Variants in ZGRF1 observed in about 807,000 individuals in gnomAD.
The protein encoded by ZGRF1 is 5'-3' DNA helicase ZGRF1.
ZGRF1 carries 196 observed loss-of-function variants against 203.5 expected under a neutral mutation model. That is an observed-to-expected ratio of 0.96 (90% CI 0.86 to 1.08). The LOEUF is 1.08. Ranked by LOEUF, ZGRF1 falls within the 50% of genes least tolerant of loss-of-function variation. ZGRF1 has a pLI of 0.00. For synonymous variants in ZGRF1, 809 were observed against 841.3 expected (o/e 0.96, Z 0.66); for missense variants, 2,326 against 2,416.3 (o/e 0.96, Z 0.78).
At chr4:112,556,030 T>C (rs1448884711) in intron 20 of ZGRF1, among the ~76,000 whole-genome samples, 1 of 152,046 alleles carries the variant, frequency 6.6e-6, no homozygotes, top group Non-Finnish European at 1.5e-5. Flanking sequence ...AGTTCCTTCC[T>C]GTGTAGTCTC....
chr4:112,604,154 T>C (rs1226670649), intron 9 of ZGRF1, among the ~76,000 whole-genome samples: 1 of 151,456 alleles, frequency 6.6e-6, no homozygotes, highest in Non-Finnish European at 1.5e-5. Context: ...AACCAAGGAG[T>C]TGGAGGTTGC....
chr4:112,577,649 C>T lies in ZGRF1; in HGVS notation c.4438+4014G>A, dbSNP rs1745483868. Among the ~76,000 whole-genome samples, 2 of 122,574 alleles carry T rather than the reference C, an allele frequency of 1.6e-5. 1 individual carries two copies. The highest frequency in any genetic ancestry group is 3.6e-5 in the Non-Finnish European group (2 of 54,888). The allele number at this position is 122,574 out of a possible 152,430, so 80.4% of individuals were successfully genotyped here. A position where few individuals can be genotyped will look rare whatever the true frequency, so the allele number is the denominator to read the frequency against. On this transcript the variant is annotated intron_variant, in intron 16 of 27. Transcript: ENST00000505019. ...CAATCCTAGTATCTGATAAAACAGA[C>T]TTTAAACCAACAAAGATCAAAAGAG...
chr4:112,596,370 G>T (rs1265361462), intron 10 of ZGRF1, among the ~76,000 whole-genome samples: 2 of 152,254 alleles, frequency 1.3e-5, no homozygotes, highest in East Asian at 3.9e-4. Context: ...GAAGGCCACA[G>T]GTGTTGCTGA....
chr4:112,620,718 C>T (rs1423852061), intron 4 of ZGRF1, among the ~76,000 whole-genome samples: 1 of 152,018 alleles, frequency 6.6e-6, no homozygotes, highest in Admixed American at 6.6e-5. Context: ...AAAAAATTAG[C>T]CATGCATGGT....
At chr4:112,559,958 T>C (rs1741644456) in intron 19 of ZGRF1, among the ~76,000 whole-genome samples, 1 of 152,208 alleles carries the variant, frequency 6.6e-6, no homozygotes, top group Non-Finnish European at 1.5e-5. Context: ...TCTCAGTGAC[T>C]AATCTGATGG....
intron 3 of ZGRF1, among the ~76,000 whole-genome samples, chr4:112,629,053 A>C (rs775750127): frequency 3.9e-5 from 6 of 152,198 alleles, no homozygotes; most frequent in Non-Finnish European, 7.3e-5. Flanking sequence ...ATAGACTTGG[A>C]GATCCTGTTG....
At chr4:112,629,422 A>G (rs904669765) in intron 3 of ZGRF1, among the ~76,000 whole-genome samples, 2 of 152,144 alleles carry the variant, frequency 1.3e-5, no homozygotes, top group African/African-American at 4.8e-5. Context: ...TGTAATCCCA[A>G]TACTTTGGGA....
intron 10 of ZGRF1, among the ~76,000 whole-genome samples, chr4:112,590,735 G>A (rs1375834879): frequency 2.0e-5 from 3 of 151,910 alleles, no homozygotes; most frequent in Non-Finnish European, 4.4e-5. Context: ...AGACCAGGAT[G>A]GGCAACACAG....
intron 22 of ZGRF1, among the ~76,000 whole-genome samples, chr4:112,550,153 C>T (rs1739652612): frequency 6.6e-6 from 1 of 151,804 alleles, no homozygotes; most frequent in African/African-American, 2.4e-5. Context: ...GATCGCGCCA[C>T]TGCACTCCAG....
chr4:112,589,665 A>G (rs572978371), intron 11 of ZGRF1, 59 bp downstream of exon 11: 3 of 1,455,812 alleles, frequency 2.1e-6, no homozygotes, highest in East Asian at 2.3e-5. Flanking sequence ...TAATCTCTCA[A>G]ATAAAAAACT....
chr4:112,634,021 T>A (rs1445717765), intron 1 of ZGRF1, among the ~76,000 whole-genome samples: 1 of 152,194 alleles, frequency 6.6e-6, no homozygotes, highest in African/African-American at 2.4e-5. Context: ...AATACAGATC[T>A]AAAAGACCTA....
At chr4:112,623,719 G>A in intron 4 of ZGRF1, 98 bp downstream of exon 4, 2 of 669,026 alleles carry the variant, frequency 3.0e-6, no homozygotes, top group Non-Finnish European at 5.3e-6. Context: ...AATACTATTA[G>A]TATTAATATT....
In ZGRF1 at chr4:112,619,301, T is replaced by C. The variant is rs1233290778; in HGVS notation, c.741A>G (p.Gln247=). Residue 247 remains glutamine, a synonymous_variant, in exon 6 of 28, where the codon CAA becomes CAG. Coordinates refer to ENST00000505019, the MANE Select transcript of ZGRF1 (RefSeq NM_018392.5). ...SLASHYSGVS[Q]NIRSKAQILA... Reference sequence around the variant, plus strand: ...ATATCTGTGCTTTGCTTCTGATGTTTTGTGAAACTCCTGAATAGTGAGATG... The same window carrying C: ...ATATCTGTGCTTTGCTTCTGATGTTCTGTGAAACTCCTGAATAGTGAGATG... The C allele has an allele frequency of 9.3e-6, 15 of 1,613,402 alleles. No homozygotes were observed. The highest frequency in any genetic ancestry group is 3.3e-4 in the Middle Eastern group (2 of 6,060).
In ZGRF1 at chr4:112,560,641, T is replaced by G. The variant is rs572214243; in HGVS notation, c.4960+92A>C. 7 of 1,118,976 alleles carry G rather than the reference T, an allele frequency of 6.3e-6. No homozygotes were observed. The East Asian group carries it at 1.7e-4, about 27-fold the overall frequency. 69.3% of individuals were successfully genotyped at this position (1,118,976 alleles called of 1,614,324 possible). On this transcript the variant is annotated intron_variant, in intron 19 of 27. Coordinates refer to ENST00000505019, the MANE Select transcript of ZGRF1 (RefSeq NM_018392.5). The stretch of plus-strand genomic sequence containing the variant: ...GTCTACTTAGAGTTATTCTTGAACC[T>G]CATTTGACTAGGAAATTATAAAGGA...
At chr4:112,586,395 T>A in intron 13 of ZGRF1, 50 bp downstream of exon 13, 2 of 1,400,346 alleles carry the variant, frequency 1.4e-6, no homozygotes, top group Non-Finnish European at 9.6e-7. Context: ...ACAATTTTAC[T>A]ACTTACATGA....
chr4:112,593,180 G>A (rs1364206554), intron 10 of ZGRF1, among the ~76,000 whole-genome samples: 1 of 152,084 alleles, frequency 6.6e-6, no homozygotes, highest in African/African-American at 2.4e-5. Flanking sequence ...TCCCCATCTT[G>A]CTTTACTCAA....
At chr4:112,609,055 TA>T (rs945263823) in intron 8 of ZGRF1, among the ~76,000 whole-genome samples, 2 of 151,998 alleles carry the variant, frequency 1.3e-5, no homozygotes, top group Non-Finnish European at 2.9e-5. Context: ...TATAATTGGC[TA>T]ATTTTTTTTT....
intron 16 of ZGRF1, among the ~76,000 whole-genome samples, chr4:112,568,792 G>A (rs1450070490): frequency 1.3e-5 from 2 of 150,946 alleles, no homozygotes; most frequent in African/African-American, 4.9e-5. Flanking sequence ...AAGGCGGGCA[G>A]ATTACAAGGT....
chr4:112,611,687 G>A (rs920534611), intron 7 of ZGRF1, among the ~76,000 whole-genome samples: 2 of 152,144 alleles, frequency 1.3e-5, no homozygotes, highest in African/African-American at 4.8e-5. Context: ...GCTCCATAAG[G>A]TGTTTTATAT....
Sources: gnomAD v4.1 joint callset for allele counts (sites outside exome capture counted in the v4.1 genomes callset) on GRCh38, gnomAD v4.1.1 for gene constraint, MANE v1.5 for transcripts, NCBI Gene and HGNC (gene_info 2026-07-23, HGNC 2026-07-21) for gene names.